The following RBMS1 variants were observed in gnomAD, a reference collection of about 807,000 sequenced individuals.
RBMS1 encodes the protein RNA binding motif single stranded interacting protein 1, also known as RNA-binding motif, single-stranded-interacting protein 1.
In RBMS1, 17 loss-of-function variants were observed where a neutral mutation model predicts 62.3. The ratio of observed to expected loss-of-function variants is 0.27; its 90% CI spans 0.19 to 0.41. RBMS1 has a LOEUF of 0.41. Among genes scored for constraint, RBMS1 ranks in the 10% least tolerant of loss-of-function variants. The pLI is 1.00. For synonymous variants in RBMS1, 172 were observed against 170.0 expected, an observed-to-expected ratio of 1.01 and a Z score of -0.09; for missense variants, 334 against 504.5, an observed-to-expected ratio of 0.66 and a Z score of 3.24.
intron 1 of RBMS1, among the ~76,000 whole-genome samples, chr2:160,455,362 T>C (rs1454491758): frequency 6.6e-6 from 1 of 152,230 alleles, no homozygotes; most frequent in Non-Finnish European, 1.5e-5. Context: ...GTAGATACCA[T>C]GCAGTATCAT....
At chr2:160,376,276 T>C (rs975812996) in intron 1 of RBMS1, among the ~76,000 whole-genome samples, 1 of 152,236 alleles carries the variant, frequency 6.6e-6, no homozygotes, top group Non-Finnish European at 1.5e-5. Flanking sequence ...TATTTATTCT[T>C]AGATCCAGCG....
chr2:160,366,237 A>G (rs1255614125), intron 2 of RBMS1, among the ~76,000 whole-genome samples: 2 of 152,196 alleles, frequency 1.3e-5, no homozygotes, highest in Non-Finnish European at 2.9e-5. Flanking sequence ...TAACTGACCA[A>G]GTTAGTTTTG....
chr2:160,278,829 T>C (rs1687967252), intron 10 of RBMS1, 171 bp from the exon 11 acceptor site: 2 of 554,650 alleles, frequency 3.6e-6, no homozygotes, highest in Admixed American at 7.0e-5. Context: ...ATCTTCTAAA[T>C]TGCTCTTCCT....
chr2:160,348,452 CA>C (rs140279060), intron 2 of RBMS1, among the ~76,000 whole-genome samples: 1,641 of 152,112 alleles, frequency 0.011, 39 homozygotes, highest in African/African-American at 0.035. Flanking sequence ...GGGTAGCTTA[CA>C]AAGAGACATA....
At chr2:160,489,887 T>C (rs933133802) in intron 1 of RBMS1, among the ~76,000 whole-genome samples, 2 of 152,114 alleles carry the variant, frequency 1.3e-5, no homozygotes, top group African/African-American at 4.8e-5. Context: ...TGTAGCTAAC[T>C]AATCATGGAA....
At position 160,298,324 on chromosome 2, in the gene RBMS1, T is replaced by C. The variant is rs78365175; in HGVS notation, c.640+2327A>G. 5.7e-3 allele frequency among the ~76,000 whole-genome samples: 873 copies of C among 152,018 alleles called. 10 individuals are homozygous for C. Among genetic ancestry groups the C allele is most frequent in the African/African-American group, 0.02 (830 of 41,422 alleles). ...TGGGAAGTGAGGTAAGGGGGACTAG[T>C]GTAGTTCTGGAGAGGATGAATATAA... On this transcript the variant is annotated intron_variant, in intron 6 of 13. Transcript: ENST00000348849.
At chr2:160,447,939 C>G (rs371628502) in intron 1 of RBMS1, among the ~76,000 whole-genome samples, 1 of 152,126 alleles carries the variant, frequency 6.6e-6, no homozygotes, top group Admixed American at 6.5e-5. Flanking sequence ...CCTTAGCACT[C>G]AGCACTCTTA....
intron 1 of RBMS1, among the ~76,000 whole-genome samples, chr2:160,377,042 A>C (rs1266704393): frequency 6.6e-6 from 1 of 151,516 alleles, no homozygotes; most frequent in Non-Finnish European, 1.5e-5. Context: ...ATAGAGGGGA[A>C]GAGATGGCTG....
chr2:160,281,408 A>G (rs1393555969), intron 9 of RBMS1, 44 bp from the exon 10 acceptor site: 2 of 1,460,108 alleles, frequency 1.4e-6, no homozygotes, highest in Admixed American at 3.5e-5. Flanking sequence ...TTTTCATTGT[A>G]AAGCTTACCT....
At chr2:160,354,277 T>G (rs553403921) in intron 2 of RBMS1, among the ~76,000 whole-genome samples, 11 of 152,218 alleles carry the variant, frequency 7.2e-5, no homozygotes, top group South Asian at 2.1e-4. Flanking sequence ...GAGCCAAAAT[T>G]AAATAAGTAT....
intron 1 of RBMS1, among the ~76,000 whole-genome samples, chr2:160,468,706 T>C (rs1684796633): frequency 6.6e-6 from 1 of 152,226 alleles, no homozygotes; most frequent in Admixed American, 6.5e-5. Context: ...GGTAACTTCA[T>C]CTTGAAGGCT....
intron 2 of RBMS1, among the ~76,000 whole-genome samples, chr2:160,346,429 T>G (rs1430844079): frequency 6.6e-6 from 1 of 152,038 alleles, no homozygotes; most frequent in Non-Finnish European, 1.5e-5. Flanking sequence ...ATCAAAATGG[T>G]ATAAAATGAG....
intron 1 of RBMS1, among the ~76,000 whole-genome samples, chr2:160,396,024 G>A (rs1391038542): frequency 6.6e-6 from 1 of 152,194 alleles, no homozygotes; most frequent in African/African-American, 2.4e-5. Context: ...ATGATGTCAT[G>A]TAATCATCTC....
chr2:160,335,301 G>A (rs1358294284), intron 2 of RBMS1, among the ~76,000 whole-genome samples: 1 of 152,156 alleles, frequency 6.6e-6, no homozygotes, highest in African/African-American at 2.4e-5. Flanking sequence ...CTCCTACTCA[G>A]AATATGGAGT....
rs59577979 is a variant in RBMS1 at position 160,378,144 on chromosome 2, GA to G, written c.76-10754del. Among the ~76,000 whole-genome samples the G allele has an allele frequency of 6.3e-3, 892 of 141,716 alleles. 11 individuals carry two copies. Among genetic ancestry groups the G allele is most frequent in the African/African-American group, 0.021 (804 of 39,048 alleles). 93.0% of individuals were successfully genotyped at this position (141,716 alleles called of 152,430 possible). The stretch of plus-strand genomic sequence containing the variant: ...TAGATATCCAGTTGCTTGCTTTAAA[GA>G]AAAAAAAAAAAGGAAACACACCTAT... On this transcript the variant is annotated intron_variant, in intron 1 of 13. Transcript: ENST00000348849.
chr2:160,433,452 C>T (rs184553851), intron 1 of RBMS1, among the ~76,000 whole-genome samples: 1 of 152,304 alleles, frequency 6.6e-6, no homozygotes, highest in Admixed American at 6.5e-5. Context: ...AACTTTAAAA[C>T]AAGTTTGTTC....
intron 6 of RBMS1, among the ~76,000 whole-genome samples, chr2:160,297,573 G>C (rs1312549725): frequency 6.6e-6 from 1 of 152,246 alleles, no homozygotes; most frequent in Non-Finnish European, 1.5e-5. Context: ...ATGTAAACAT[G>C]TTAAGTGCCA....
intron 1 of RBMS1, among the ~76,000 whole-genome samples, chr2:160,490,722 C>G (rs1685788707): frequency 6.6e-6 from 1 of 152,090 alleles, no homozygotes; most frequent in African/African-American, 2.4e-5. Context: ...TTCCATTTTA[C>G]CTGGTATTAT....
At chr2:160,396,583 A>C (rs1226258067) in intron 1 of RBMS1, among the ~76,000 whole-genome samples, 1 of 102,732 alleles carries the variant, frequency 9.7e-6, no homozygotes, top group African/African-American at 3.9e-5. Context: ...TTTTTTTGAG[A>C]TGAAGGAAGT....
Sources: gnomAD v4.1 joint callset for allele counts (sites outside exome capture counted in the v4.1 genomes callset) on GRCh38, gnomAD v4.1.1 for gene constraint, MANE v1.5 for transcripts, NCBI Gene and HGNC (gene_info 2026-07-23, HGNC 2026-07-21) for gene names.